NUDT3: variants seen among roughly 807,000 people sequenced by gnomAD.
NUDT3 encodes the protein nudix hydrolase 3.
A neutral mutation model predicts 23.6 loss-of-function variants in NUDT3; 9 were observed. That is an observed-to-expected ratio of 0.38 (90% CI 0.23 to 0.66). The LOEUF (loss-of-function observed/expected upper bound fraction) is 0.66. Ranked by LOEUF, NUDT3 falls within the 30% of genes least tolerant of loss-of-function variation. The pLI is 0.52. For missense variants in NUDT3, 172 were observed against 218.5 expected (o/e 0.79, Z 1.34); for synonymous variants, 86 against 82.6 (o/e 1.04, Z -0.22).
chr6:34,336,205 G>T (rs1478108333), intron 2 of NUDT3, among the ~76,000 whole-genome samples: 5 of 152,040 alleles, frequency 3.3e-5, no homozygotes, highest in African/African-American at 1.2e-4. Flanking sequence ...AGAGGCGGAG[G>T]TTGCAGTGAG....
At chr6:34,324,530 A>G (rs1024998684) in intron 2 of NUDT3, among the ~76,000 whole-genome samples, 3 of 152,116 alleles carry the variant, frequency 2.0e-5, no homozygotes, top group Non-Finnish European at 2.9e-5. Context: ...TTGGCCTCCC[A>G]AAGTATTGGG....
rs180771384 is a variant in NUDT3 at position 34,351,759 on chromosome 6, A to G, written c.100-9787T>C. Among the ~76,000 whole-genome samples, 921 of 139,340 alleles carry G rather than the reference A, an allele frequency of 6.6e-3. 28 individuals are homozygous for G. The highest frequency in any genetic ancestry group is 0.013 in the South Asian group (60 of 4,568). The allele number at this position is 139,340 out of a possible 152,430, so 91.4% of individuals were successfully genotyped here. On this transcript the variant is annotated intron_variant, in intron 1 of 4. Coordinates refer to ENST00000607016, the MANE Select transcript of NUDT3 (RefSeq NM_006703.4). ...TCTGTCTCAAAAAAAAAAAAAAAAA[A>G]AAAGAAATAGAAAAAATATACATAC...
intron 1 of NUDT3, among the ~76,000 whole-genome samples, chr6:34,362,204 T>TACACAC (rs1315347546): frequency 6.6e-6 from 1 of 152,168 alleles, no homozygotes; most frequent in Non-Finnish European, 1.5e-5. Flanking sequence ...TATATACACA[T>TACACAC]ACACACACAT....
intron 1 of NUDT3, among the ~76,000 whole-genome samples, chr6:34,365,032 A>C (rs1309885032): frequency 6.6e-6 from 1 of 152,150 alleles, no homozygotes; most frequent in Non-Finnish European, 1.5e-5. Context: ...AAAATAAATA[A>C]ATAAATAAAT....
At chr6:34,350,046 G>C (rs1046874979) in intron 1 of NUDT3, among the ~76,000 whole-genome samples, 1 of 149,754 alleles carries the variant, frequency 6.7e-6, no homozygotes, top group Non-Finnish European at 1.5e-5. Context: ...CCGAGATCGC[G>C]CCACTGCACT....
At chr6:34,363,775 TTTC>T (rs1403301233) in intron 1 of NUDT3, among the ~76,000 whole-genome samples, 5 of 151,404 alleles carry the variant, frequency 3.3e-5, no homozygotes, top group Non-Finnish European at 5.9e-5. Flanking sequence ...TTTTTTTCTT[TTTC>T]TTCTTTTTTT....
At position 34,301,610 on chromosome 6, in the gene NUDT3, G is replaced by A. The variant is rs569717807; in HGVS notation, c.211-5925C>T. Among the ~76,000 whole-genome samples, 3 of 152,370 alleles carry A rather than the reference G, an allele frequency of 2.0e-5. No individual in the cohort carries two copies. In the East Asian group the frequency reaches 5.8e-4, roughly 29 times the overall value. ...GCCAGCTAACCTCCAAACTGTGTGAGAGCATAGCCAAGATCAGCAGAGTTG... is the reference window on the plus strand; with the variant it reads ...GCCAGCTAACCTCCAAACTGTGTGAAAGCATAGCCAAGATCAGCAGAGTTG... On this transcript the variant is annotated intron_variant, in intron 2 of 4. Coordinates refer to ENST00000607016, the MANE Select transcript of NUDT3 (RefSeq NM_006703.4).
chr6:34,281,533 C>T lies in NUDT3; in HGVS notation c.*7220G>A, dbSNP rs541105323. 90 of 152,258 alleles carry T rather than the reference C, an allele frequency of 5.9e-4. No homozygotes were observed. Among genetic ancestry groups the T allele is most frequent in the African/African-American group, 2.1e-3 (88 of 41,542 alleles). The allele number at this position is 152,258 out of a possible 1,614,324, so 9.4% of individuals were successfully genotyped here. A position where few individuals can be genotyped will look rare whatever the true frequency, so the allele number is the denominator to read the frequency against. On this transcript the variant is annotated 3_prime_UTR_variant, in exon 5 of 5. Transcript: ENST00000607016. ...CACCAACCTTTTCTTTGATTATCAA[C>T]CAGTTTGACAGTCTTCAGATCACAA...
rs566205987 is a variant in NUDT3, at chr6:34,358,305, C to G, written c.100-16333G>C. On this transcript the variant is annotated intron_variant, in intron 1 of 4. Transcript: ENST00000607016. The stretch of plus-strand genomic sequence containing the variant: ...CACACACACACACCCCTTATAATTT[C>G]TACAGGAATCAAGTTGAATTTATAG... Among the ~76,000 whole-genome samples the G allele has an allele frequency of 2.7e-5, 4 of 150,048 alleles. No homozygotes were observed. In the East Asian group the frequency reaches 7.9e-4, roughly 30 times the overall value.
In NUDT3 at chr6:34,285,412, A is replaced by C. The variant is rs766340400; in HGVS notation, c.*3341T>G. The C allele has an allele frequency of 2.6e-5, 4 of 152,118 alleles. No individual in the cohort carries two copies. Among genetic ancestry groups the C allele is most frequent in the Admixed American group, 6.6e-5 (1 of 15,264 alleles). 9.4% of individuals were successfully genotyped at this position (152,118 alleles called of 1,614,324 possible). On this transcript the variant is annotated 3_prime_UTR_variant, in exon 5 of 5. Transcript: ENST00000607016. Reference sequence around the variant, plus strand: ...CAATGACTGTAATTTATAAACTAAAAATTTTTACAAATCCACTGCTATCTT... The same window carrying C: ...CAATGACTGTAATTTATAAACTAAACATTTTTACAAATCCACTGCTATCTT...
rs1370623008 is a variant in NUDT3 at position 34,287,356 on chromosome 6, C to T, written c.*1397G>A. ...CTCCCTACCCCTCAATCTCAAGACC[C>T]TCTTACTTCCGAACTAAACAACACA... is the stretch of plus-strand genomic sequence containing the variant. On this transcript the variant is annotated 3_prime_UTR_variant, in exon 5 of 5. Coordinates refer to ENST00000607016, the MANE Select transcript of NUDT3 (RefSeq NM_006703.4). 1 of 152,184 alleles carries T rather than the reference C, an allele frequency of 6.6e-6. No individual in the cohort carries two copies. The highest frequency in any genetic ancestry group is 1.9e-4 in the East Asian group (1 of 5,202). 9.4% of individuals were successfully genotyped at this position (152,184 alleles called of 1,614,324 possible). A position where few individuals can be genotyped will look rare whatever the true frequency, so the allele number is the denominator to read the frequency against.
At chr6:34,299,483 C>T (rs1016263623) in intron 2 of NUDT3, among the ~76,000 whole-genome samples, 5 of 151,882 alleles carry the variant, frequency 3.3e-5, no homozygotes, top group African/African-American at 9.7e-5. Context: ...CAGGCTAGGG[C>T]GCATGGTCAT....
chr6:34,352,559 A>C (rs1029682136), intron 1 of NUDT3, among the ~76,000 whole-genome samples: 17 of 152,198 alleles, frequency 1.1e-4, no homozygotes, highest in African/African-American at 4.1e-4. Flanking sequence ...AACTACAGGA[A>C]TACACTGTAA....
At chr6:34,301,272 C>T (rs958126378) in intron 2 of NUDT3, among the ~76,000 whole-genome samples, 2 of 150,976 alleles carry the variant, frequency 1.3e-5, no homozygotes, top group South Asian at 4.2e-4. Flanking sequence ...TCAAGTTGGT[C>T]TCTTTTGGTA....
At chr6:34,327,002 C>CG (rs1257351218) in intron 2 of NUDT3, among the ~76,000 whole-genome samples, 5 of 151,958 alleles carry the variant, frequency 3.3e-5, no homozygotes, top group South Asian at 4.2e-4. Flanking sequence ...CAGCTGGGCC[C>CG]GGGGGGACTA....
Position 34,325,225 on chromosome 6 carries a change from T to G in NUDT3, c.210+16637A>C, listed in dbSNP as rs1764007363. The stretch of plus-strand genomic sequence containing the variant: ...TTCACTGATTACTTTATATAATGAA[T>G]TTTTTTTTCTTTTTTCTTTTTTAAA... On this transcript the variant is annotated intron_variant, in intron 2 of 4. Transcript: ENST00000607016. 2.0e-5 allele frequency among the ~76,000 whole-genome samples: 3 copies of G among 149,570 alleles called. No homozygotes were observed. The South Asian group carries it at 6.5e-4, about 32-fold the overall frequency.
At chr6:34,340,024 G>A (rs962972916) in intron 2 of NUDT3, among the ~76,000 whole-genome samples, 2 of 152,128 alleles carry the variant, frequency 1.3e-5, no homozygotes, top group African/African-American at 2.4e-5. Flanking sequence ...CTGAAACACC[G>A]ACATAAAGAG....
At chr6:34,344,068 A>G (rs968706089) in intron 1 of NUDT3, among the ~76,000 whole-genome samples, 1 of 152,196 alleles carries the variant, frequency 6.6e-6, no homozygotes, top group Non-Finnish European at 1.5e-5. Context: ...GAGAAAATGG[A>G]ACCCTCATAC....
In NUDT3 at chr6:34,372,008, C is replaced by A. The variant is rs1471762716; in HGVS notation, c.99+20256G>T. On this transcript the variant is annotated intron_variant, in intron 1 of 4. Coordinates refer to ENST00000607016, the MANE Select transcript of NUDT3 (RefSeq NM_006703.4). Reference sequence around the variant, plus strand: ...AACACGCAGTGTTTGGTTTTCTGTCCTTGCGATCGTTTGCTCAGAATGATG... The same window carrying A: ...AACACGCAGTGTTTGGTTTTCTGTCATTGCGATCGTTTGCTCAGAATGATG... Among the ~76,000 whole-genome samples, 8 of 152,248 alleles carry A rather than the reference C, an allele frequency of 5.3e-5. 1 individual carries two copies. The East Asian group carries it at 1.2e-3, about 22-fold the overall frequency.
Sources: gnomAD v4.1 joint callset for allele counts (sites outside exome capture counted in the v4.1 genomes callset) on GRCh38, gnomAD v4.1.1 for gene constraint, MANE v1.5 for transcripts, NCBI Gene and HGNC (gene_info 2026-07-23, HGNC 2026-07-21) for gene names.